SLMAP: variants seen among roughly 807,000 people sequenced by gnomAD.
The protein encoded by SLMAP is sarcolemmal membrane-associated protein.
SLMAP carries 44 observed loss-of-function variants against 128.8 expected under a neutral mutation model. The observed-to-expected ratio is 0.34, with a 90% CI of 0.27 to 0.44. SLMAP has a LOEUF of 0.44. SLMAP is among the 20% of genes least tolerant of loss of function. The pLI is 1.00. For missense variants in SLMAP, 787 were observed against 985.3 expected, an observed-to-expected ratio of 0.80 and a Z score of 2.69; for synonymous variants, 327 against 348.8, an observed-to-expected ratio of 0.94 and a Z score of 0.70.
At chr3:57,889,619 G>T (rs1298924411) in intron 14 of SLMAP, among the ~76,000 whole-genome samples, 4 of 151,864 alleles carry the variant, frequency 2.6e-5, no homozygotes, top group African/African-American at 9.7e-5. Context: ...CATTATATAG[G>T]CATCTCTGCT....
intron 17 of SLMAP, among the ~76,000 whole-genome samples, chr3:57,904,675 G>A (rs1275154121): frequency 4.6e-5 from 7 of 152,168 alleles, no homozygotes; most frequent in Admixed American, 4.6e-4. Flanking sequence ...TTGGGAGGCC[G>A]AGGATCACTT....
chr3:57,868,414 A>C (rs1274785686), intron 13 of SLMAP, among the ~76,000 whole-genome samples: 1 of 151,978 alleles, frequency 6.6e-6, no homozygotes, highest in Non-Finnish European at 1.5e-5. Context: ...CCCATCTCTA[A>C]AAAGAAAAAA....
chr3:57,835,600 G>T (rs1560166712), intron 3 of SLMAP, among the ~76,000 whole-genome samples: 1 of 152,150 alleles, frequency 6.6e-6, no homozygotes, highest in Non-Finnish European at 1.5e-5. Context: ...ATAATCAGTA[G>T]TTGTGTCGCT....
intron 13 of SLMAP, among the ~76,000 whole-genome samples, chr3:57,869,630 T>TATATATATATATATATA (rs2095420048): frequency 6.6e-5 from 5 of 75,466 alleles, no homozygotes; most frequent in East Asian, 8.1e-4. Flanking sequence ...CCCATCTCTA[T>TATATATATATATATATA]TATATATATA....
chr3:57,824,188 T>G (rs1317349581), intron 2 of SLMAP, among the ~76,000 whole-genome samples: 1 of 151,930 alleles, frequency 6.6e-6, no homozygotes, highest in Non-Finnish European at 1.5e-5. Flanking sequence ...AAAGAATAAG[T>G]AAACTTGAAG....
intron 4 of SLMAP, among the ~76,000 whole-genome samples, chr3:57,844,192 A>C (rs541575984): frequency 6.1e-4 from 93 of 152,168 alleles, no homozygotes; most frequent in African/African-American, 2.1e-3. Context: ...CAGGAGTTTG[A>C]GACTAGCCTG....
intron 2 of SLMAP, among the ~76,000 whole-genome samples, chr3:57,765,935 C>G (rs974320090): frequency 1.3e-5 from 2 of 150,370 alleles, no homozygotes; most frequent in Non-Finnish European, 3.0e-5. Context: ...CCACTTAGTT[C>G]TTTGACATTA....
At chr3:57,836,363 AAG>A (rs762746000) in intron 3 of SLMAP, among the ~76,000 whole-genome samples, 1 of 152,176 alleles carries the variant, frequency 6.6e-6, no homozygotes, top group Non-Finnish European at 1.5e-5. Context: ...ATTTCAGAAA[AAG>A]AATATATATA....
At chr3:57,846,668 T>A (rs755182297) in intron 4 of SLMAP, among the ~76,000 whole-genome samples, 33 of 151,852 alleles carry the variant, frequency 2.2e-4, no homozygotes, top group Non-Finnish European at 4.7e-4. Context: ...GCGATTCTTA[T>A]GCTTCAGCCT....
intron 13 of SLMAP, among the ~76,000 whole-genome samples, chr3:57,868,988 A>ATATATGTGTATTATATATAATATATAT (rs1206039557): frequency 1.0e-4 from 14 of 138,316 alleles, no homozygotes; most frequent in Admixed American, 2.4e-4. Context: ...AATATATATT[A>ATATATGTGTATTATATATAATATATAT]TATATGTGTA....
At chr3:57,909,706 A>G (rs553339484) in intron 19 of SLMAP, among the ~76,000 whole-genome samples, 52 of 151,370 alleles carry the variant, frequency 3.4e-4, no homozygotes, top group Middle Eastern at 6.8e-3. Context: ...TCCGCCTCCC[A>G]GGTTCAAGCA....
chr3:57,806,703 G>A (rs2089958935), intron 2 of SLMAP, among the ~76,000 whole-genome samples: 1 of 151,930 alleles, frequency 6.6e-6, no homozygotes, highest in Admixed American at 6.6e-5. Context: ...GCCTCCCAAA[G>A]TGCAGGGACC....
At chr3:57,777,933 T>C (rs2082251960) in intron 2 of SLMAP, among the ~76,000 whole-genome samples, 1 of 152,224 alleles carries the variant, frequency 6.6e-6, no homozygotes, top group Non-Finnish European at 1.5e-5. Context: ...CATTGATTGA[T>C]TTTTGAATGT....
At chr3:57,790,531 C>T (rs950166698) in intron 2 of SLMAP, among the ~76,000 whole-genome samples, 1 of 151,414 alleles carries the variant, frequency 6.6e-6, no homozygotes. Context: ...TTATCAAATT[C>T]TACCTAATTT....
Position 57,830,132 on chromosome 3 carries a change from T to G in SLMAP, c.199-1251T>G, listed in dbSNP as rs148609537. 1.3e-4 allele frequency among the ~76,000 whole-genome samples: 20 copies of G among 152,298 alleles called. No individual in the cohort carries two copies. The East Asian group carries it at 3.7e-3, about 28-fold the overall frequency. On this transcript the variant is annotated intron_variant, in intron 2 of 24. Transcript: ENST00000671191. ...TCACTGCAACCTCTGCCTCCCGGGT[T>G]CAGGTGATTCTCCTGCCTCAGCCTC...
intron 2 of SLMAP, among the ~76,000 whole-genome samples, chr3:57,785,934 A>G (rs2083993723): frequency 6.6e-6 from 1 of 152,162 alleles, no homozygotes; most frequent in South Asian, 2.1e-4. Context: ...TTCAGCAAAC[A>G]TTTATCAGTC....
At position 57,927,329 on chromosome 3, in the gene SLMAP, C is replaced by T. The variant is rs759960856; in HGVS notation, c.*40C>T. On this transcript the variant is annotated 3_prime_UTR_variant, in exon 25 of 25. Transcript: ENST00000671191. Reference sequence around the variant, plus strand: ...GCCCTGGATGCCCATGTTGGCTGCCCTGGTTGCAGTAACAGCCATCGTGCT... The same window carrying T: ...GCCCTGGATGCCCATGTTGGCTGCCTTGGTTGCAGTAACAGCCATCGTGCT... 2 of 1,607,802 alleles carry T rather than the reference C, an allele frequency of 1.2e-6. No individual in the cohort carries two copies. Among genetic ancestry groups the T allele is most frequent in the South Asian group, 2.2e-5 (2 of 90,070 alleles).
chr3:57,839,134 G>A (rs961335409), intron 3 of SLMAP, among the ~76,000 whole-genome samples: 2 of 151,468 alleles, frequency 1.3e-5, no homozygotes, highest in Non-Finnish European at 2.9e-5. Flanking sequence ...AAAATTTTTT[G>A]TAGAGAGTGG....
chr3:57,794,839 A>C (rs1266362517), intron 2 of SLMAP, among the ~76,000 whole-genome samples: 1 of 152,118 alleles, frequency 6.6e-6, no homozygotes, highest in African/African-American at 2.4e-5. Context: ...TGGACATTTG[A>C]GTTTCTGTTT....
Sources: gnomAD v4.1 joint callset for allele counts (sites outside exome capture counted in the v4.1 genomes callset) on GRCh38, gnomAD v4.1.1 for gene constraint, MANE v1.5 for transcripts, NCBI Gene and HGNC (gene_info 2026-07-23, HGNC 2026-07-21) for gene names.